Variants in TIAM1 observed in about 807,000 individuals in gnomAD.
TIAM1 encodes the protein rho guanine nucleotide exchange factor TIAM1.
TIAM1 carries 65 observed loss-of-function variants against 163.5 expected under a neutral mutation model. The observed-to-expected ratio is 0.40, with a 90% CI of 0.33 to 0.49. The LOEUF is 0.49. Ranked by LOEUF, TIAM1 falls within the 20% of genes least tolerant of loss-of-function variation. The pLI, the probability that TIAM1 is intolerant of heterozygous loss-of-function variation, is 0.77. For missense variants in TIAM1, 1,789 were observed against 2,044.7 expected (o/e 0.87, Z 2.41); for synonymous variants, 833 against 810.1 (o/e 1.03, Z -0.48).
intron 15 of TIAM1, among the ~76,000 whole-genome samples, chr21:31,182,035 C>CCA (rs2085055444): frequency 6.6e-6 from 1 of 151,128 alleles, no homozygotes; most frequent in Admixed American, 6.6e-5. Context: ...CCTCCTGCTT[C>CCA]CACCTCCCAA....
At chr21:31,544,159 G>C (rs2048411247) in intron 1 of TIAM1, among the ~76,000 whole-genome samples, 1 of 151,942 alleles carries the variant, frequency 6.6e-6, no homozygotes, top group African/African-American at 2.4e-5. Flanking sequence ...GCAGTGCCAA[G>C]ATCATATCAC....
chr21:31,460,799 C>T (rs1158704112), intron 2 of TIAM1, among the ~76,000 whole-genome samples: 3 of 152,154 alleles, frequency 2.0e-5, no homozygotes, highest in Non-Finnish European at 2.9e-5. Context: ...CTTTGGTAAG[C>T]TATTTTACTG....
At chr21:31,179,874 A>ACACGTACAC (rs987794463) in intron 15 of TIAM1, among the ~76,000 whole-genome samples, 1 of 151,676 alleles carries the variant, frequency 6.6e-6, no homozygotes, top group Non-Finnish European at 1.5e-5. Flanking sequence ...TTAAGCAAAC[A>ACACGTACAC]CACGTACACG....
intron 2 of TIAM1, among the ~76,000 whole-genome samples, chr21:31,438,766 C>T (rs542437238): frequency 1.0e-3 from 152 of 152,238 alleles, no homozygotes; most frequent in African/African-American, 3.5e-3. Flanking sequence ...TTCATTGTCA[C>T]AGGGAAAGAG....
At chr21:31,484,173 C>A (rs1373232703) in intron 1 of TIAM1, among the ~76,000 whole-genome samples, 1 of 152,202 alleles carries the variant, frequency 6.6e-6, no homozygotes, top group Non-Finnish European at 1.5e-5. Context: ...GACTTCCCAG[C>A]CACCAGAACT....
At chr21:31,210,715 G>GAA (rs1432098968) in intron 10 of TIAM1, among the ~76,000 whole-genome samples, 4 of 97,458 alleles carry the variant, frequency 4.1e-5, no homozygotes, top group African/African-American at 2.7e-4. Flanking sequence ...GAGAAAGAAA[G>GAA]AGAAAGAAAG....
chr21:31,176,889 A>G (rs2084789956), intron 15 of TIAM1, among the ~76,000 whole-genome samples: 1 of 152,116 alleles, frequency 6.6e-6, no homozygotes, highest in Non-Finnish European at 1.5e-5. Context: ...ACACTAGGTG[A>G]CTCATGAGCT....
chr21:31,523,721 C>G (rs1407637725), intron 1 of TIAM1, among the ~76,000 whole-genome samples: 2 of 152,094 alleles, frequency 1.3e-5, no homozygotes, highest in Admixed American at 6.5e-5. Flanking sequence ...GTCAGGAGTT[C>G]GAGAACAGCC....
intron 2 of TIAM1, among the ~76,000 whole-genome samples, chr21:31,453,996 T>G (rs1397923396): frequency 1.3e-5 from 2 of 152,180 alleles, no homozygotes; most frequent in Non-Finnish European, 2.9e-5. Context: ...CACATTTCCT[T>G]CCATTGTTTG....
chr21:31,372,708 A>G (rs752079347), intron 2 of TIAM1, among the ~76,000 whole-genome samples: 1 of 152,132 alleles, frequency 6.6e-6, no homozygotes, highest in Admixed American at 6.5e-5. Context: ...GGTGGCTTAC[A>G]CCTGTAATCC....
intron 2 of TIAM1, among the ~76,000 whole-genome samples, chr21:31,372,994 T>G (rs845692): frequency 1 from 150,248 of 150,250 alleles, 75,123 homozygotes; most frequent in Middle Eastern, 1. Context: ...GGCAGAGGTT[T>G]CGGTGAGCCG....
intron 1 of TIAM1, among the ~76,000 whole-genome samples, chr21:31,540,999 C>A (rs2048308643): frequency 6.6e-6 from 1 of 152,106 alleles, no homozygotes; most frequent in South Asian, 2.1e-4. Flanking sequence ...TATACATCAA[C>A]TGATGAAGAC....
At chr21:31,385,687 G>A (rs17650765) in intron 2 of TIAM1, among the ~76,000 whole-genome samples, 22,303 of 147,190 alleles carry the variant, frequency 0.15, 1,775 homozygotes, top group Non-Finnish European at 0.17. Flanking sequence ...ATCAATTTGT[G>A]CTTTAAAAAA....
At chr21:31,142,355 T>C (rs2082884003) in intron 20 of TIAM1, among the ~76,000 whole-genome samples, 1 of 150,312 alleles carries the variant, frequency 6.7e-6, no homozygotes, top group African/African-American at 2.5e-5. Flanking sequence ...CAGTGGCTCA[T>C]GAATGTAATC....
At chr21:31,533,041 G>A (rs9305462) in intron 1 of TIAM1, among the ~76,000 whole-genome samples, 66,414 of 152,056 alleles carry the variant, frequency 0.44, 14,755 homozygotes, top group Admixed American at 0.48. Flanking sequence ...CAGGCCAGGC[G>A]TATCTCAACA....
intron 2 of TIAM1, among the ~76,000 whole-genome samples, chr21:31,411,581 T>C (rs1176760175): frequency 1.3e-5 from 2 of 150,570 alleles, no homozygotes; most frequent in Non-Finnish European, 2.9e-5. Context: ...GTTCAAGCAA[T>C]TCTCCTGCCT....
chr21:31,181,629 T>C (rs2085018799), intron 15 of TIAM1, among the ~76,000 whole-genome samples: 1 of 151,780 alleles, frequency 6.6e-6, no homozygotes, highest in Admixed American at 6.6e-5. Flanking sequence ...CTCACGTCCT[T>C]CTCTCAGACA....
chr21:31,504,317 G>C lies in TIAM1; in HGVS notation c.-421-40282C>G, dbSNP rs141994389. On this transcript the variant is annotated intron_variant, in intron 1 of 28. Coordinates refer to the TIAM1 transcript ENST00000286827. ...TGCAAGGGTGCATCCAGAAGAGGGG[G>C]CATGGCCGCTGAGAAGTGAGGAATC... 5.7e-3 allele frequency among the ~76,000 whole-genome samples: 868 copies of C among 152,310 alleles called. 24 individuals are homozygous for C. The highest frequency in any genetic ancestry group is 0.048 in the Admixed American group (732 of 15,294).
At position 31,181,756 on chromosome 21, in the gene TIAM1, C is replaced by CTTTT. The variant is rs781153297; in HGVS notation, c.2887+661_2887+664dup. Among the ~76,000 whole-genome samples, 5 of 41,344 alleles carry CTTTT rather than the reference C, an allele frequency of 1.2e-4. 1 individual carries two copies. The highest frequency in any genetic ancestry group is 5.1e-4 in the East Asian group (1 of 1,970). The allele number at this position is 41,344 out of a possible 152,430, so 27.1% of individuals were successfully genotyped here. A position where few individuals can be genotyped will look rare whatever the true frequency, so the allele number is the denominator to read the frequency against. On this transcript the variant is annotated intron_variant, in intron 15 of 27. Transcript: ENST00000541036. ...CCCAGCACTTCTTCTTCTTCTTCTT[C>CTTTT]TTTTTTTTTTTTTTTTTTTTTTTTT...
Sources: allele counts gnomAD v4.1 joint callset (sites outside exome capture counted in the v4.1 genomes callset), GRCh38; gene constraint gnomAD v4.1.1; transcripts MANE v1.5; gene names NCBI Gene and HGNC (gene_info 2026-07-23, HGNC 2026-07-21).